The following MITF variants were observed in gnomAD, a reference collection of about 807,000 sequenced individuals.
MITF encodes the protein melanocyte inducing transcription factor.
A neutral mutation model predicts 60.5 loss-of-function variants in MITF; 17 were observed. The observed-to-expected ratio is 0.28, with a 90% CI of 0.19 to 0.42. The LOEUF (loss-of-function observed/expected upper bound fraction) is 0.42, where lower values mean the gene tolerates loss of function less well. Ranked by LOEUF, MITF falls within the 10% of genes least tolerant of loss-of-function variation. The pLI is 1.00. For missense variants in MITF, 622 were observed against 683.5 expected (o/e 0.91, Z 1.00); for synonymous variants, 260 against 248.5 (o/e 1.05, Z -0.43).
At position 69,966,436 on chromosome 3, in the gene MITF, T is replaced by C; in HGVS notation, c.*1188T>C. The C allele has an allele frequency of 4.3e-6, 1 of 232,838 alleles. No individual in the cohort carries two copies. The allele number at this position is 232,838 out of a possible 1,614,324, so 14.4% of individuals were successfully genotyped here. A position where few individuals can be genotyped will look rare whatever the true frequency, so the allele number is the denominator to read the frequency against. Reference sequence around the variant, plus strand: ...ATTAATAGGTTAAAACCAGGCTTTCTAGAAAGAATAAACTTACATATTTAT... The same window carrying C: ...ATTAATAGGTTAAAACCAGGCTTTCCAGAAAGAATAAACTTACATATTTAT... On this transcript the variant is annotated 3_prime_UTR_variant, in exon 10 of 10. Coordinates refer to ENST00000352241, the MANE Select transcript of MITF (RefSeq NM_001354604.2).
intron 2 of MITF, among the ~76,000 whole-genome samples, chr3:69,880,316 A>G (rs1477833965): frequency 6.6e-6 from 1 of 152,308 alleles, no homozygotes; most frequent in Middle Eastern, 3.4e-3. Context: ...TAAAGTAAAT[A>G]GAGAGATGAT....
chr3:69,856,152 G>C (rs576573706), intron 1 of MITF, among the ~76,000 whole-genome samples: 1 of 152,094 alleles, frequency 6.6e-6, no homozygotes, highest in Non-Finnish European at 1.5e-5. Context: ...CTCTATCGGG[G>C]CTGTGTTTAA....
intron 1 of MITF, among the ~76,000 whole-genome samples, chr3:69,816,678 G>A (rs1216765314): frequency 1.3e-5 from 2 of 152,164 alleles, no homozygotes; most frequent in Non-Finnish European, 2.9e-5. Flanking sequence ...TGACTTAGCT[G>A]CTTTATTGTA....
At chr3:69,810,071 A>T (rs1017715285) in intron 1 of MITF, among the ~76,000 whole-genome samples, 8 of 152,060 alleles carry the variant, frequency 5.3e-5, no homozygotes, top group Admixed American at 1.3e-4. Context: ...GTTTTCTTGT[A>T]TGTGCCCTAA....
At chr3:69,961,996 T>C (rs991950278) in intron 9 of MITF, among the ~76,000 whole-genome samples, 6 of 152,240 alleles carry the variant, frequency 3.9e-5, no homozygotes, top group African/African-American at 9.6e-5. Context: ...AGCTCTGTGA[T>C]GCAATTAAGC....
chr3:69,773,518 A>G (rs1268447734), intron 1 of MITF, among the ~76,000 whole-genome samples: 2 of 152,060 alleles, frequency 1.3e-5, no homozygotes, highest in Non-Finnish European at 2.9e-5. Flanking sequence ...CTTAGCTTCA[A>G]TTTTATTCCT....
chr3:69,869,207 A>G (rs1445687470), intron 1 of MITF, among the ~76,000 whole-genome samples: 1 of 152,164 alleles, frequency 6.6e-6, no homozygotes, highest in African/African-American at 2.4e-5. Context: ...TTGTTCTACT[A>G]TGTGCTGGAG....
At chr3:69,869,800 A>G (rs1167779197) in intron 1 of MITF, among the ~76,000 whole-genome samples, 1 of 152,150 alleles carries the variant, frequency 6.6e-6, no homozygotes, top group Non-Finnish European at 1.5e-5. Context: ...CGATAGGCTG[A>G]ATCTATAGGA....
intron 1 of MITF, among the ~76,000 whole-genome samples, chr3:69,757,578 G>T (rs2062144651): frequency 6.6e-6 from 1 of 152,128 alleles, no homozygotes; most frequent in African/African-American, 2.4e-5. Context: ...GAGAGTACAG[G>T]ATAAATCTGC....
At chr3:69,807,485 T>C (rs1318911608) in intron 1 of MITF, among the ~76,000 whole-genome samples, 2 of 152,212 alleles carry the variant, frequency 1.3e-5, no homozygotes, top group Non-Finnish European at 2.9e-5. Flanking sequence ...AAGGCAATTG[T>C]GGAACAAAGA....
intron 2 of MITF, among the ~76,000 whole-genome samples, chr3:69,920,401 C>T (rs533036703): frequency 2.0e-5 from 3 of 152,290 alleles, no homozygotes; most frequent in South Asian, 2.1e-4. Context: ...CGTGGTTTTC[C>T]GGAGGCCTAA....
intron 2 of MITF, among the ~76,000 whole-genome samples, chr3:69,924,658 T>C (rs2065545877): frequency 6.6e-6 from 1 of 152,214 alleles, no homozygotes; most frequent in Non-Finnish European, 1.5e-5. Flanking sequence ...CTAGACATAA[T>C]TTCATCTTTA....
chr3:69,798,759 A>G (rs1054590420), intron 1 of MITF, among the ~76,000 whole-genome samples: 2 of 152,152 alleles, frequency 1.3e-5, no homozygotes, highest in Non-Finnish European at 2.9e-5. Flanking sequence ...ATTCCTGAAA[A>G]TGCATTATAC....
At chr3:69,828,899 A>G (rs1414680586) in intron 1 of MITF, among the ~76,000 whole-genome samples, 1 of 151,958 alleles carries the variant, frequency 6.6e-6, no homozygotes, top group East Asian at 1.9e-4. Flanking sequence ...TATCAGCTAG[A>G]GAACAAAAAC....
At chr3:69,866,734 G>A (rs1212343951) in intron 1 of MITF, among the ~76,000 whole-genome samples, 3 of 152,040 alleles carry the variant, frequency 2.0e-5, no homozygotes, top group Admixed American at 1.3e-4. Flanking sequence ...AATAAAACAG[G>A]ATTTTCTTCA....
intron 1 of MITF, among the ~76,000 whole-genome samples, chr3:69,861,315 T>A (rs112985401): frequency 1.3e-5 from 2 of 152,294 alleles, no homozygotes; most frequent in African/African-American, 4.8e-5. Flanking sequence ...ACTTACTATG[T>A]GCCAGGCACT....
At chr3:69,888,919 G>T (rs1321624337) in intron 2 of MITF, among the ~76,000 whole-genome samples, 1 of 150,198 alleles carries the variant, frequency 6.7e-6, no homozygotes, top group South Asian at 2.1e-4. Flanking sequence ...GGCTCTTAGA[G>T]ATTTGGGATG....
At position 69,759,978 on chromosome 3, in the gene MITF, C is replaced by T. The variant is rs1282052098; in HGVS notation, c.104+20277C>T. 2.6e-5 allele frequency among the ~76,000 whole-genome samples: 4 copies of T among 152,180 alleles called. No individual in the cohort carries two copies. The East Asian group carries it at 7.7e-4, about 29-fold the overall frequency. The stretch of plus-strand genomic sequence containing the variant: ...TATTTTTAGTAGAGACGGGGTTTCA[C>T]CGTGTTAGCCAGGGTGGTCTCGATC... On this transcript the variant is annotated intron_variant, in intron 1 of 9. Transcript: ENST00000352241.
intron 1 of MITF, chr3:69,763,793 G>A (rs1398648595): frequency 1.5e-6 from 2 of 1,363,608 alleles, no homozygotes; most frequent in East Asian, 3.7e-5. Flanking sequence ...CTAATGGTTG[G>A]CATTAATCTT....
Sources: gnomAD v4.1 joint callset for allele counts (sites outside exome capture counted in the v4.1 genomes callset) on GRCh38, gnomAD v4.1.1 for gene constraint, MANE v1.5 for transcripts, NCBI Gene and HGNC (gene_info 2026-07-23, HGNC 2026-07-21) for gene names.